GLRA2: variants seen among roughly 807,000 people sequenced by gnomAD.
The protein encoded by GLRA2 is glycine receptor subunit alpha-2.
A neutral mutation model predicts 31.6 loss-of-function variants in GLRA2; 11 were observed. The ratio of observed to expected loss-of-function variants is 0.35; its 90% CI spans 0.22 to 0.58. GLRA2 has a LOEUF of 0.58. GLRA2 is among the 20% of genes least tolerant of loss of function. GLRA2 has a pLI of 0.84. For synonymous variants in GLRA2, 132 were observed against 134.0 expected (o/e 0.99, Z 0.10); for missense variants, 212 against 351.8 (o/e 0.60, Z 3.18).
At chrX:14,474,108 C>T in the GLRA2 span, among the ~76,000 whole-genome samples, 1 of 111,816 alleles carries the variant, frequency 8.9e-6, no homozygotes, top group Admixed American at 9.5e-5. Context: ...GTACAACTAC[C>T]TTGATTACAA....
At chrX:14,456,735 T>C in the GLRA2 span, among the ~76,000 whole-genome samples, 12 of 112,564 alleles carry the variant, frequency 1.1e-4, no homozygotes, top group Non-Finnish European at 1.5e-4. Context: ...GTATGTGCCA[T>C]ATTTTCTTTA....
At chrX:14,651,305 G>C (rs1569516344) in intron 7 of GLRA2, among the ~76,000 whole-genome samples, 1 of 111,569 alleles carries the variant, frequency 9.0e-6, no homozygotes, top group Non-Finnish European at 1.9e-5. Flanking sequence ...TAATTCCAAA[G>C]CTGGGGATAG....
At chrX:14,640,939 A>G (rs1364547921) in intron 7 of GLRA2, among the ~76,000 whole-genome samples, 1 of 110,927 alleles carries the variant, frequency 9.0e-6, no homozygotes, top group East Asian at 2.8e-4. Context: ...TCCAGTGTGT[A>G]TTGACAGTTT....
At chrX:14,646,349 G>A (rs958885458) in intron 7 of GLRA2, among the ~76,000 whole-genome samples, 5 of 111,659 alleles carry the variant, frequency 4.5e-5, no homozygotes, top group Admixed American at 2.9e-4. Context: ...CTGCTTACTT[G>A]GTACTGGGCA....
At chrX:14,614,000 TTATC>T (rs1175130560) in intron 7 of GLRA2, among the ~76,000 whole-genome samples, 1 of 111,976 alleles carries the variant, frequency 8.9e-6, no homozygotes, top group Non-Finnish European at 1.9e-5. Context: ...TTTTAAAAAA[TTATC>T]TAGTCTGAAA....
chrX:14,479,062 A>G, the GLRA2 span, among the ~76,000 whole-genome samples: 2 of 110,877 alleles, frequency 1.8e-5, no homozygotes, highest in African/African-American at 6.6e-5. Flanking sequence ...AAGGAGAGAG[A>G]AAGACACACA....
the GLRA2 span, among the ~76,000 whole-genome samples, chrX:14,469,150 G>A: frequency 9.0e-6 from 1 of 111,265 alleles, no homozygotes; most frequent in Non-Finnish European, 1.9e-5. Flanking sequence ...CTTTTGCTGT[G>A]CAGAAGCTCT....
chrX:14,730,888 CTA>C lies in GLRA2; in HGVS notation c.*406_*407del, dbSNP rs1491309532. The C allele has an allele frequency of 5.3e-5, 7 of 131,796 alleles. No homozygotes were observed. Among genetic ancestry groups the C allele is most frequent in the African/African-American group, 2.6e-4 (6 of 23,202 alleles). 10.9% of individuals were successfully genotyped at this position (131,796 alleles called of 1,213,427 possible). A position where few individuals can be genotyped will look rare whatever the true frequency, so the allele number is the denominator to read the frequency against. On this transcript the variant is annotated 3_prime_UTR_variant, in exon 9 of 9. Coordinates refer to ENST00000218075, the MANE Select transcript of GLRA2 (RefSeq NM_002063.4). The stretch of plus-strand genomic sequence containing the variant: ...ACTAATTCTGGTACTGAAAAGTTAG[CTA>C]TACACACACACACACACACACACAC...
chrX:14,476,298 T>C, the GLRA2 span, among the ~76,000 whole-genome samples: 1 of 111,894 alleles, frequency 8.9e-6, no homozygotes, highest in Non-Finnish European at 1.9e-5. Flanking sequence ...TCAGCTACAT[T>C]TGCTTCAGCT....
chrX:14,521,194 G>A, the GLRA2 span, among the ~76,000 whole-genome samples: 1 of 112,075 alleles, frequency 8.9e-6, no homozygotes. Flanking sequence ...CTAGAGAATT[G>A]GTAAAGCATT....
chrX:14,611,499 A>G (rs1260699274), intron 7 of GLRA2, among the ~76,000 whole-genome samples: 6 of 113,069 alleles, frequency 5.3e-5, no homozygotes, highest in African/African-American at 1.9e-4. Context: ...CTTTTACACC[A>G]TCTTAGATAT....
intron 7 of GLRA2, among the ~76,000 whole-genome samples, chrX:14,648,637 G>A (rs1343309372): frequency 9.0e-6 from 1 of 111,609 alleles, no homozygotes; most frequent in African/African-American, 3.3e-5. Context: ...ACAAAAAAGA[G>A]CTCTTAAAAA....
At chrX:14,607,785 G>C (rs1301023012) in intron 6 of GLRA2, among the ~76,000 whole-genome samples, 2 of 111,202 alleles carry the variant, frequency 1.8e-5, no homozygotes, top group East Asian at 5.7e-4. Context: ...AAGTCAGCTG[G>C]CAGGAATTCA....
At chrX:14,465,059 T>C in the GLRA2 span, among the ~76,000 whole-genome samples, 1 of 112,322 alleles carries the variant, frequency 8.9e-6, no homozygotes, top group East Asian at 2.8e-4. Flanking sequence ...GAAGAATTAA[T>C]AGGAATTACA....
rs142893586 is a variant in GLRA2 at position 14,716,690 on chromosome X, C to A, written c.1081-13517C>A. On this transcript the variant is annotated intron_variant, in intron 8 of 8. Transcript: ENST00000218075. ...GTTAATTTTGACATGCTCCCAGGAG[C>A]TCACCCCTCTGGTGAGCAAAGATAA... 6.8e-3 allele frequency among the ~76,000 whole-genome samples: 763 copies of A among 111,620 alleles called. 9 individuals carry two copies. Among genetic ancestry groups the A allele is most frequent in the African/African-American group, 0.024 (728 of 30,667 alleles).
intron 7 of GLRA2, among the ~76,000 whole-genome samples, chrX:14,690,417 A>T (rs1179051206): frequency 8.9e-6 from 1 of 111,905 alleles, no homozygotes; most frequent in Non-Finnish European, 1.9e-5. Flanking sequence ...ATTTGTAGTG[A>T]GAACACTTAA....
chrX:14,707,526 T>G (rs775854587), intron 8 of GLRA2, among the ~76,000 whole-genome samples: 1 of 109,908 alleles, frequency 9.1e-6, no homozygotes, highest in Admixed American at 9.6e-5. Flanking sequence ...ACCCTGGTAG[T>G]GAGCTTAGAA....
the GLRA2 span, among the ~76,000 whole-genome samples, chrX:14,480,931 G>T: frequency 9.6e-6 from 1 of 104,090 alleles, no homozygotes; most frequent in Non-Finnish European, 2.0e-5. Flanking sequence ...TTGGTAGTTT[G>T]ATAGTAATGT....
At position 14,609,123 on chromosome X, in the gene GLRA2, C is replaced by T; in HGVS notation, c.848C>T (p.Ala283Val). The change falls in exon 7 of 9, where the codon GCC (alanine) becomes GTC (valine). Residue 283 changes from alanine to valine, a missense_variant. By Grantham distance (64) the Ala-to-Val change is moderately conservative. This residue lies in a region of GLRA2 where 110 missense variants were observed against 232.6 expected (regional missense o/e 0.47). Transcript: ENST00000218075. ...TCCTTTTGGATAAATATGGATGCAG[C>T]CCCTGCCAGGGTCGCACTGGGCATC... ...WVSFWINMDAAPARVALGITT... is the reference protein window; with the variant it reads ...WVSFWINMDAVPARVALGITT... The T allele has an allele frequency of 8.3e-7, 1 of 1,201,478 alleles. No individual in the cohort carries two copies. The highest frequency in any genetic ancestry group is 1.1e-6 in the Non-Finnish European group (1 of 886,878).
Sources: allele counts gnomAD v4.1 joint callset (sites outside exome capture counted in the v4.1 genomes callset), GRCh38; gene constraint gnomAD v4.1.1; regional missense constraint gnomAD v4.1.1; transcripts MANE v1.5; gene names NCBI Gene and HGNC (gene_info 2026-07-23, HGNC 2026-07-21).